Variants in PSG2 observed in about 807,000 individuals in gnomAD.
PSG2 encodes the protein pregnancy-specific beta-1-glycoprotein 2.
A neutral mutation model predicts 36.2 loss-of-function variants in PSG2; 49 were observed. The observed-to-expected ratio is 1.35, with a 90% CI of 1.08 to 1.72. The LOEUF (loss-of-function observed/expected upper bound fraction) is 1.72, where lower values mean the gene tolerates loss of function less well. Among genes scored for constraint, PSG2 ranks in the 40% most tolerant of loss-of-function variants. PSG2 has a pLI of 0.00. For synonymous variants in PSG2, 261 were observed against 155.6 expected (o/e 1.68, Z -5.04); for missense variants, 605 against 407.2 (o/e 1.49, Z -4.18).
intron 4 of PSG2, among the ~76,000 whole-genome samples, chr19:43,067,081 A>T (rs1340012074): frequency 6.6e-6 from 1 of 151,426 alleles, no homozygotes; most frequent in African/African-American, 2.4e-5. Context: ...AAGGGTGTGA[A>T]AGCAAGCCTA....
chr19:43,076,627 C>T (rs150887091), intron 2 of PSG2, among the ~76,000 whole-genome samples: 5,299 of 151,512 alleles, frequency 0.035, 432 homozygotes, highest in African/African-American at 0.12. Context: ...TCAGTGGATT[C>T]CAGAGTGAAT....
chr19:43,072,066 A>G (rs757142007), intron 3 of PSG2, 112 bp from the exon 4 acceptor site: 4 of 1,461,504 alleles, frequency 2.7e-6, no homozygotes, highest in Admixed American at 2.0e-5. Flanking sequence ...CTCAAGTCCC[A>G]GCAAAACCCC....
At chr19:43,066,155 G>A (rs1307517029) in intron 5 of PSG2, among the ~76,000 whole-genome samples, 4 of 151,688 alleles carry the variant, frequency 2.6e-5, no homozygotes, top group African/African-American at 9.7e-5. Context: ...TTCAAAGTCT[G>A]GAGACAAGAA....
chr19:43,067,476 A>T (rs1967755810), intron 4 of PSG2, among the ~76,000 whole-genome samples: 1 of 151,158 alleles, frequency 6.6e-6, no homozygotes, highest in Admixed American at 6.6e-5. Flanking sequence ...AAAAAGGTAG[A>T]TACTGTTGAG....
chr19:43,072,813 C>T (rs1395919440), intron 3 of PSG2, among the ~76,000 whole-genome samples: 1 of 151,754 alleles, frequency 6.6e-6, no homozygotes, highest in Non-Finnish European at 1.5e-5. Flanking sequence ...GTGAGGCCGC[C>T]TGCTCTGTCT....
intron 4 of PSG2, among the ~76,000 whole-genome samples, chr19:43,071,171 C>T (rs1275045018): frequency 1.3e-5 from 2 of 151,442 alleles, no homozygotes; most frequent in East Asian, 3.9e-4. Flanking sequence ...CATGCTGGTC[C>T]CACCCCAGGT....
Position 43,081,151 on chromosome 19 carries a change from G to A in PSG2, c.160C>T (p.Leu54Phe), listed in dbSNP as rs1302023075. ...KVSEGKDVLL[L>F]VHNLPQNLTG... ...AGATTCTGGGGCAAATTGTGGACAAGTAGAAGAACATCCTTCCCCTCGGAA... is the reference window on the plus strand; with the variant it reads ...AGATTCTGGGGCAAATTGTGGACAAATAGAAGAACATCCTTCCCCTCGGAA... Residue 54 changes from leucine to phenylalanine, a missense_variant, in exon 2 of 6, where the codon CTT becomes TTT. Transcript: ENST00000406487. The A allele has an allele frequency of 1.9e-6, 3 of 1,612,874 alleles. No individual in the cohort carries two copies. In the South Asian group the frequency reaches 3.3e-5, roughly 18 times the overall value.
Position 43,075,429 on chromosome 19 carries a change from CA to C in PSG2, c.633del (p.Ala212GlnfsTer22). 1 of 1,613,162 alleles carries C rather than the reference CA, an allele frequency of 6.2e-7. No homozygotes were observed. The highest frequency in any genetic ancestry group is 1.1e-5 in the South Asian group (1 of 91,050). On this transcript the variant is annotated frameshift_variant, in exon 3 of 6. Transcript: ENST00000406487. LOFTEE classifies it high-confidence loss of function. ...CGTATTTCACATTCATAGGGTCCTG[CA>C]GTATACTTTGTGACACCAAATAGAA... The part of the protein sequence containing the change: ...TLFLFGVTKY[T>X]AGPYECEIRN...
At chr19:43,066,644 T>C (rs1272056294) in intron 4 of PSG2, 44 bp from the exon 5 acceptor site, 3 of 1,532,688 alleles carry the variant, frequency 2.0e-6, no homozygotes, top group Non-Finnish European at 2.7e-6. Flanking sequence ...GGTGATGTTA[T>C]TTTACATGGG....
In PSG2 at chr19:43,067,010, A is replaced by G. The variant is rs142511328; in HGVS notation, c.965-410T>C. Among the ~76,000 whole-genome samples the G allele has an allele frequency of 4.1e-3, 619 of 151,580 alleles. 23 individuals are homozygous for G. The highest frequency in any genetic ancestry group is 0.014 in the African/African-American group (563 of 41,044). On this transcript the variant is annotated intron_variant, in intron 4 of 5. Coordinates refer to ENST00000406487, the MANE Select transcript of PSG2 (RefSeq NM_031246.4). ...ACCTGATTGGCAGAAGGCCCAGGTC[A>G]GTGCATTTCAAATTCACCACCTCTT...
chr19:43,070,006 C>G (rs1354259335), intron 4 of PSG2, among the ~76,000 whole-genome samples: 1 of 151,622 alleles, frequency 6.6e-6, no homozygotes. Flanking sequence ...TCCGAAAACC[C>G]AATTAAAAAA....
intron 4 of PSG2, among the ~76,000 whole-genome samples, chr19:43,066,825 T>C (rs1967746436): frequency 6.6e-6 from 1 of 151,234 alleles, no homozygotes; most frequent in Non-Finnish European, 1.5e-5. Context: ...TCTACTGCAC[T>C]CAGATATTTT....
At position 43,064,272 on chromosome 19, in the gene PSG2, C is replaced by T. The variant is rs1967709536; in HGVS notation, c.*370G>A. The stretch of plus-strand genomic sequence containing the variant: ...AATACTCATGAATAGATTCCCAATT[C>T]TGGGGCACTCAGATAGAGAGCAAAA... On this transcript the variant is annotated 3_prime_UTR_variant, in exon 6 of 6. Transcript: ENST00000406487. The T allele has an allele frequency of 4.9e-6, 1 of 203,480 alleles. No homozygotes were observed. The highest frequency in any genetic ancestry group is 1.0e-5 in the Non-Finnish European group (1 of 99,564). The allele number at this position is 203,480 out of a possible 1,614,324, so 12.6% of individuals were successfully genotyped here. A position where few individuals can be genotyped will look rare whatever the true frequency, so the allele number is the denominator to read the frequency against.
Position 43,071,849 on chromosome 19 carries a change from G to A in PSG2, c.815C>T (p.Ser272Phe). The A allele has an allele frequency of 6.2e-7, 1 of 1,613,164 alleles. No homozygotes were observed. Among genetic ancestry groups the A allele is most frequent in the South Asian group, 1.1e-5 (1 of 91,040 alleles). Residue 272 changes from serine (S) to phenylalanine (F), a missense_variant, in exon 4 of 6, where the codon TCT becomes TTT. By Grantham distance (155) the Ser-to-Phe change is radical. Coordinates refer to ENST00000406487, the MANE Select transcript of PSG2 (RefSeq NM_031246.4). ...FANSNPPAQY[S>F]WTINGKFQQS... The stretch of plus-strand genomic sequence containing the variant: ...CTGAAACTTCCCATTAATTGTCCAA[G>A]AATACTGTGCCGGTGGGTTAGAGTT...
chr19:43,074,841 A>G (rs1027589415), intron 3 of PSG2, among the ~76,000 whole-genome samples: 1 of 151,706 alleles, frequency 6.6e-6, no homozygotes, highest in Non-Finnish European at 1.5e-5. Flanking sequence ...CTTCCCATCA[A>G]TCAGCCAAGA....
chr19:43,064,678 GAC>G, intron 5 of PSG2, 77 bp from the exon 6 acceptor site: 4 of 531,290 alleles, frequency 7.5e-6, no homozygotes, highest in Non-Finnish European at 1.4e-5. Flanking sequence ...GTCTGGGAAT[GAC>G]AGAGATTTAA....
Position 43,075,457 on chromosome 19 carries a change from G to A in PSG2, c.606C>T (p.Leu202=), listed in dbSNP as rs764911669. ...RFQLSETNRT[L]FLFGVTKYTA... ...TATACTTTGTGACACCAAATAGAAAGAGGGTCCTGTTGGTTTCGGACAGCT... is the reference window on the plus strand; with the variant it reads ...TATACTTTGTGACACCAAATAGAAAAAGGGTCCTGTTGGTTTCGGACAGCT... Residue 202 remains leucine, a synonymous_variant, in exon 3 of 6, where the codon CTC becomes CTT. Coordinates refer to ENST00000406487, the MANE Select transcript of PSG2 (RefSeq NM_031246.4). The A allele has an allele frequency of 6.8e-6, 11 of 1,613,200 alleles. 2 individuals carry two copies. Among genetic ancestry groups the A allele is most frequent in the East Asian group, 2.2e-5 (1 of 44,876 alleles).
chr19:43,072,318 T>G (rs1439382917), intron 3 of PSG2: 1 of 1,609,560 alleles, frequency 6.2e-7, no homozygotes, highest in African/African-American at 1.3e-5. Context: ...GGATTTAAGC[T>G]GGTGGCCTGG....
intron 1 of PSG2, 125 bp from the exon 2 acceptor site, chr19:43,081,371 A>G: frequency 1.6e-6 from 2 of 1,261,006 alleles, no homozygotes; most frequent in Non-Finnish European, 2.1e-6. Flanking sequence ...ACACACACAC[A>G]CACACACACA....
Sources: allele counts gnomAD v4.1 joint callset (sites outside exome capture counted in the v4.1 genomes callset), GRCh38; gene constraint gnomAD v4.1.1; transcripts MANE v1.5; gene names NCBI Gene and HGNC (gene_info 2026-07-23, HGNC 2026-07-21).